LINGO2: variants seen among roughly 807,000 people sequenced by gnomAD.
LINGO2 encodes leucine-rich repeat and immunoglobulin-like domain-containing nogo receptor-interacting protein 2.
LINGO2 carries 14 observed loss-of-function variants against 30.6 expected under a neutral mutation model. That is an observed-to-expected ratio of 0.46 (90% CI 0.30 to 0.72). LINGO2 has a LOEUF of 0.72. LINGO2 is among the 30% of genes least tolerant of loss of function. LINGO2 has a pLI of 0.07. For missense variants in LINGO2, 729 were observed against 751.7 expected, an observed-to-expected ratio of 0.97 and a Z score of 0.35; for synonymous variants, 317 against 288.5, an observed-to-expected ratio of 1.10 and a Z score of -1.00.
At chr9:28,808,536 C>T in the LINGO2 span, among the ~76,000 whole-genome samples, 4 of 152,130 alleles carry the variant, frequency 2.6e-5, no homozygotes, top group Admixed American at 1.3e-4. Flanking sequence ...TAGACACAGT[C>T]CTTATATTGT....
intron 4 of LINGO2, among the ~76,000 whole-genome samples, chr9:28,178,154 C>T (rs753209986): frequency 8.5e-5 from 13 of 152,118 alleles, no homozygotes; most frequent in Non-Finnish European, 1.8e-4. Flanking sequence ...ACTGGCAAAA[C>T]ATTGTCTATC....
intron 2 of LINGO2, among the ~76,000 whole-genome samples, chr9:28,430,109 CGTGTGTGTGT>C (rs55989705): frequency 2.9e-5 from 4 of 136,204 alleles, no homozygotes; most frequent in South Asian, 4.4e-4. Flanking sequence ...CGCGCGCGCG[CGTGTGTGTGT>C]GTGTGTGTGT....
At chr9:28,356,754 G>C (rs1376561643) in intron 3 of LINGO2, among the ~76,000 whole-genome samples, 1 of 152,046 alleles carries the variant, frequency 6.6e-6, no homozygotes, top group African/African-American at 2.4e-5. Context: ...TCCACTGTCA[G>C]ACAGCTTTAA....
chr9:28,753,763 C>G, the LINGO2 span, among the ~76,000 whole-genome samples: 1 of 151,910 alleles, frequency 6.6e-6, no homozygotes, highest in Non-Finnish European at 1.5e-5. Flanking sequence ...CTGAACTTGG[C>G]AAGTAACTCA....
At chr9:28,164,825 C>T (rs1828382860) in intron 4 of LINGO2, among the ~76,000 whole-genome samples, 1 of 152,162 alleles carries the variant, frequency 6.6e-6, no homozygotes, top group Non-Finnish European at 1.5e-5. Flanking sequence ...CCCCCTTGCA[C>T]TTTCCTCCTG....
the LINGO2 span, among the ~76,000 whole-genome samples, chr9:28,889,520 CTG>C: frequency 2.6e-5 from 4 of 151,816 alleles, no homozygotes; most frequent in South Asian, 8.3e-4. Context: ...GATATAATAA[CTG>C]GAAACAAAGA....
the LINGO2 span, among the ~76,000 whole-genome samples, chr9:28,910,568 T>C: frequency 2.6e-5 from 4 of 152,022 alleles, no homozygotes; most frequent in African/African-American, 4.8e-5. Context: ...CCCCTTGCTG[T>C]TCTGGTGATA....
chr9:29,133,529 T>C, the LINGO2 span, among the ~76,000 whole-genome samples: 1 of 152,134 alleles, frequency 6.6e-6, no homozygotes, highest in Non-Finnish European at 1.5e-5. Flanking sequence ...TTGCCTAGTG[T>C]CACACAGGAA....
At chr9:28,910,600 G>C in the LINGO2 span, among the ~76,000 whole-genome samples, 2 of 151,978 alleles carry the variant, frequency 1.3e-5, no homozygotes, top group Admixed American at 1.3e-4. Flanking sequence ...AGATCTGATT[G>C]TTTGAAAGTG....
intron 1 of LINGO2, among the ~76,000 whole-genome samples, chr9:28,655,601 T>C (rs1828301309): frequency 6.6e-6 from 1 of 152,066 alleles, no homozygotes; most frequent in Non-Finnish European, 1.5e-5. Flanking sequence ...GTACTTCCCA[T>C]AATCCCCGCA....
At position 28,132,319 on chromosome 9, in the gene LINGO2, A is replaced by G. The variant is rs7044024; in HGVS notation, c.-86-119914T>C. On this transcript the variant is annotated intron_variant, in intron 4 of 5. Coordinates refer to ENST00000379992, the Ensembl canonical transcript of LINGO2. Reference sequence around the variant, plus strand: ...GCTATAAATATATAAATTGAGTTATACCCATGTGTAGAGCTATTGAAAGAT... The same window carrying G: ...GCTATAAATATATAAATTGAGTTATGCCCATGTGTAGAGCTATTGAAAGAT... 5.1e-3 allele frequency among the ~76,000 whole-genome samples: 768 copies of G among 152,050 alleles called. 11 individuals are homozygous for G. The highest frequency in any genetic ancestry group is 0.017 in the African/African-American group (699 of 41,560).
chr9:28,800,423 C>A, the LINGO2 span, among the ~76,000 whole-genome samples: 1 of 152,078 alleles, frequency 6.6e-6, no homozygotes, highest in Non-Finnish European at 1.5e-5. Flanking sequence ...TCTCTAGAGA[C>A]TGTCCTTTTG....
chr9:28,597,557 C>G (rs1825245637), intron 1 of LINGO2, among the ~76,000 whole-genome samples: 1 of 152,102 alleles, frequency 6.6e-6, no homozygotes. Flanking sequence ...GTACAAAGGT[C>G]TTTTGTTCAA....
At chr9:29,016,528 C>T in the LINGO2 span, among the ~76,000 whole-genome samples, 2 of 152,128 alleles carry the variant, frequency 1.3e-5, no homozygotes, top group Non-Finnish European at 2.9e-5. Context: ...ACTAACAAAA[C>T]ATTTCATATT....
intron 5 of LINGO2, among the ~76,000 whole-genome samples, chr9:27,998,760 C>T (rs1359898882): frequency 3.3e-5 from 5 of 152,072 alleles, no homozygotes; most frequent in African/African-American, 1.2e-4. Flanking sequence ...TCATGCATTC[C>T]ATCCTGGGTG....
chr9:29,181,567 T>C, the LINGO2 span, among the ~76,000 whole-genome samples: 3 of 152,128 alleles, frequency 2.0e-5, no homozygotes, highest in East Asian at 1.9e-4. Flanking sequence ...ACAAAACAAG[T>C]TGAAAGGATT....
At chr9:28,772,208 G>A in the LINGO2 span, among the ~76,000 whole-genome samples, 1 of 152,186 alleles carries the variant, frequency 6.6e-6, no homozygotes, top group African/African-American at 2.4e-5. Context: ...TTGCAAGATT[G>A]ATTATTATAA....
chr9:29,189,375 C>T, the LINGO2 span, among the ~76,000 whole-genome samples: 3 of 148,100 alleles, frequency 2.0e-5, no homozygotes, highest in East Asian at 4.1e-4. Context: ...ACTTCTCAGA[C>T]GGGGCGGTTG....
At position 28,104,260 on chromosome 9, in the gene LINGO2, TTGTTTG is replaced by T. The variant is rs1195641358; in HGVS notation, c.-86-91861_-86-91856del. On this transcript the variant is annotated intron_variant, in intron 4 of 5. Coordinates refer to ENST00000379992, the Ensembl canonical transcript of LINGO2. Reference sequence around the variant, plus strand: ...TTTGCTTTTCCCCAGTACAAGTTTTTTGTTTGTTTTTTTTTTTTTTTTTTTTGCTTT... The same window carrying T: ...TTTGCTTTTCCCCAGTACAAGTTTTTTTTTTTTTTTTTTTTTTTTTGCTTT... Among the ~76,000 whole-genome samples the T allele has an allele frequency of 6.0e-4, 76 of 125,762 alleles. 2 individuals are homozygous for T. The highest frequency in any genetic ancestry group is 7.9e-3 in the Middle Eastern group (2 of 252). The allele number at this position is 125,762 out of a possible 152,430, so 82.5% of individuals were successfully genotyped here.
Sources: gnomAD v4.1 joint callset for allele counts (sites outside exome capture counted in the v4.1 genomes callset) on GRCh38, gnomAD v4.1.1 for gene constraint, MANE v1.5 for transcripts, NCBI Gene and HGNC (gene_info 2026-07-23, HGNC 2026-07-21) for gene names.